CALN1: variants seen among roughly 807,000 people sequenced by gnomAD.
CALN1 encodes the protein calcium-binding protein 8.
In CALN1, 17 loss-of-function variants were observed where a neutral mutation model predicts 30.6. The ratio of observed to expected loss-of-function variants is 0.56; its 90% CI spans 0.38 to 0.83. CALN1 has a LOEUF of 0.83. Ranked by LOEUF, CALN1 falls within the 40% of genes least tolerant of loss-of-function variation. CALN1 has a pLI of 0.00. For synonymous variants in CALN1, 156 were observed against 131.4 expected (o/e 1.19, Z -1.28); for missense variants, 291 against 354.9 (o/e 0.82, Z 1.45).
chr7:72,147,680 A>T (rs1786867768), intron 3 of CALN1, among the ~76,000 whole-genome samples: 1 of 152,070 alleles, frequency 6.6e-6, no homozygotes, highest in Non-Finnish European at 1.5e-5. Flanking sequence ...TCACAATAGC[A>T]AAGACCTGGA....
intron 2 of CALN1, among the ~76,000 whole-genome samples, chr7:72,358,230 C>G (rs1350350602): frequency 1.3e-5 from 2 of 151,844 alleles, no homozygotes; most frequent in Non-Finnish European, 2.9e-5. Context: ...CCTGGCCTCA[C>G]GTGACCCTTG....
chr7:71,852,471 T>TAA (rs35252557), intron 5 of CALN1, among the ~76,000 whole-genome samples: 17,742 of 118,410 alleles, frequency 0.15, 2,170 homozygotes, highest in East Asian at 0.5. Flanking sequence ...ACCCTGTCTC[T>TAA]AAAAAAAAAA....
chr7:71,908,369 C>G (rs1794250715), intron 5 of CALN1, among the ~76,000 whole-genome samples: 1 of 152,086 alleles, frequency 6.6e-6, no homozygotes, highest in South Asian at 2.1e-4. Flanking sequence ...GGCTCAATTG[C>G]AAAACCTGGA....
the CALN1 span, among the ~76,000 whole-genome samples, chr7:72,462,423 A>C: frequency 6.1e-3 from 925 of 152,198 alleles, 11 homozygotes; most frequent in African/African-American, 0.021. Flanking sequence ...GGGCTCCCAC[A>C]GTCTTCCCAC....
intron 3 of CALN1, among the ~76,000 whole-genome samples, chr7:72,108,097 C>G (rs1584957614): frequency 6.6e-6 from 1 of 152,330 alleles, no homozygotes; most frequent in African/African-American, 2.4e-5. Context: ...CAGAGCTGTG[C>G]TCCCCGTGAA....
intron 3 of CALN1, among the ~76,000 whole-genome samples, chr7:72,259,625 T>G (rs1328616040): frequency 6.6e-6 from 1 of 152,182 alleles, no homozygotes; most frequent in East Asian, 1.9e-4. Context: ...CCAAGTGACT[T>G]TTAATCCCTT....
At chr7:72,466,738 GGAAA>G in the CALN1 span, among the ~76,000 whole-genome samples, 11 of 150,060 alleles carry the variant, frequency 7.3e-5, no homozygotes, top group Non-Finnish European at 1.3e-4. Context: ...GTGAGACTCG[GGAAA>G]GAAAGAAAGA....
intron 5 of CALN1, among the ~76,000 whole-genome samples, chr7:71,882,192 C>T (rs969968489): frequency 2.6e-5 from 4 of 152,186 alleles, no homozygotes; most frequent in Admixed American, 6.5e-5. Flanking sequence ...GCCTGCATCC[C>T]TTGGCTCATG....
intron 3 of CALN1, among the ~76,000 whole-genome samples, chr7:72,148,776 G>A (rs1483421140): frequency 6.6e-6 from 1 of 151,868 alleles, no homozygotes; most frequent in Non-Finnish European, 1.5e-5. Context: ...ATGGTGACAG[G>A]CACCTGTAAT....
chr7:72,039,560 C>G (rs1231965828), intron 4 of CALN1, among the ~76,000 whole-genome samples: 1 of 152,218 alleles, frequency 6.6e-6, no homozygotes, highest in African/African-American at 2.4e-5. Context: ...CTTCTTTTGA[C>G]TTGGGTTTGA....
rs535967111 is a variant in CALN1, at chr7:72,393,224, T to C, written c.119+10027A>G. On this transcript the variant is annotated intron_variant, in intron 2 of 6. Transcript: ENST00000395275. ...GGCTCACACCTGTAATCCCAGCACA[T>C]TGGGAGGCCGAGGCGTGTGGATCAT... Among the ~76,000 whole-genome samples, 8 of 152,192 alleles carry C rather than the reference T, an allele frequency of 5.3e-5. No homozygotes were observed. The South Asian group carries it at 1.2e-3, about 24-fold the overall frequency.
chr7:72,337,972 C>T (rs950397317), intron 2 of CALN1, among the ~76,000 whole-genome samples: 2 of 152,238 alleles, frequency 1.3e-5, no homozygotes, highest in East Asian at 1.9e-4. Flanking sequence ...TGCCCCAGGT[C>T]TCAAGGGCAA....
chr7:71,842,094 T>A (rs1789972245), intron 5 of CALN1, among the ~76,000 whole-genome samples: 1 of 152,034 alleles, frequency 6.6e-6, no homozygotes, highest in Non-Finnish European at 1.5e-5. Context: ...GAGAGACATA[T>A]GGCTCATATC....
intron 2 of CALN1, among the ~76,000 whole-genome samples, chr7:72,317,094 G>A (rs867705473): frequency 3.0e-5 from 1 of 33,040 alleles, no homozygotes; most frequent in Non-Finnish European, 5.1e-5. Context: ...GAGAGAGAGA[G>A]GGAGGGAGGA....
chr7:72,449,018 G>T (rs1030710089), upstream of CALN1, among the ~76,000 whole-genome samples: 58 of 152,128 alleles, frequency 3.8e-4, no homozygotes, highest in African/African-American at 1.4e-3. Context: ...AGTGTCAGGG[G>T]TGTCCAGGAG....
At chr7:72,046,659 G>T (rs982185236) in intron 4 of CALN1, among the ~76,000 whole-genome samples, 1 of 138,424 alleles carries the variant, frequency 7.2e-6, no homozygotes, top group African/African-American at 2.7e-5. Flanking sequence ...GCAGTGAGCC[G>T]AGATCACGCC....
At chr7:72,187,739 T>A (rs1790306033) in intron 3 of CALN1, among the ~76,000 whole-genome samples, 1 of 152,176 alleles carries the variant, frequency 6.6e-6, no homozygotes. Flanking sequence ...TTCGCTCTTT[T>A]CGTGTATACG....
chr7:72,024,856 C>T (rs1800953047), intron 4 of CALN1, among the ~76,000 whole-genome samples: 1 of 152,176 alleles, frequency 6.6e-6, no homozygotes, highest in African/African-American at 2.4e-5. Context: ...GTCCGGGATG[C>T]CTTCCCTCAC....
At chr7:72,169,032 C>T (rs538534125) in intron 3 of CALN1, among the ~76,000 whole-genome samples, 35 of 152,042 alleles carry the variant, frequency 2.3e-4, no homozygotes, top group African/African-American at 8.2e-4. Flanking sequence ...TCTCGAACTC[C>T]TGACCTCAGG....
Sources: gnomAD v4.1 joint callset for allele counts (sites outside exome capture counted in the v4.1 genomes callset) on GRCh38, gnomAD v4.1.1 for gene constraint, MANE v1.5 for transcripts, NCBI Gene and HGNC (gene_info 2026-07-23, HGNC 2026-07-21) for gene names.